Variants in MAP3K11 observed in about 807,000 individuals in gnomAD.
MAP3K11 encodes the protein mitogen-activated protein kinase kinase kinase 11, also known as SH3 domain-containing proline-rich kinase.
Under a neutral mutation model 84.9 loss-of-function variants are expected in MAP3K11, and 46 were observed. That is an observed-to-expected ratio of 0.54 (90% CI 0.43 to 0.69). MAP3K11 has a LOEUF of 0.69. Among genes scored for constraint, MAP3K11 ranks in the 30% least tolerant of loss-of-function variants. The pLI is 0.00. For synonymous variants in MAP3K11, 527 were observed against 514.7 expected (o/e 1.02, Z -0.32); for missense variants, 1,053 against 1,198.3 (o/e 0.88, Z 1.79).
At chr11:65,605,679 G>T (rs1157222552) in intron 8 of MAP3K11, 82 bp downstream of exon 8, 8 of 971,898 alleles carry the variant, frequency 8.2e-6, no homozygotes, top group Non-Finnish European at 1.2e-5. Context: ...CTCCTGCTTT[G>T]CCTACTAGCC....
At chr11:65,611,199 AG>A (rs1565145732) in intron 1 of MAP3K11, 2 of 152,402 alleles carry the variant, frequency 1.3e-5, no homozygotes, top group African/African-American at 4.8e-5. Flanking sequence ...GGCCTGGGCC[AG>A]GTCTCCCACT....
chr11:65,603,952 T>G (rs1477034292), intron 8 of MAP3K11, among the ~76,000 whole-genome samples: 1 of 152,252 alleles, frequency 6.6e-6, no homozygotes, highest in African/African-American at 2.4e-5. Context: ...TCTCTCAGTT[T>G]GCAGGGGCTG....
rs975524975 is a variant in MAP3K11 at position 65,613,951 on chromosome 11, C to T, written c.-195G>A. On this transcript the variant is annotated 5_prime_UTR_variant, in exon 1 of 10. Transcript: ENST00000309100. ...CGCATCTCGGGCTTCTGGAGGAGGG[C>T]ACCCAGGGCAGTGTGGTCAGGCCGG... The T allele has an allele frequency of 4.3e-6, 3 of 697,670 alleles. No individual in the cohort carries two copies. Among genetic ancestry groups the T allele is most frequent in the Admixed American group, 3.3e-5 (1 of 30,604 alleles). The allele number at this position is 697,670 out of a possible 1,614,324, so 43.2% of individuals were successfully genotyped here.
At position 65,613,503 on chromosome 11, in the gene MAP3K11, G is replaced by A. The variant is rs750897139; in HGVS notation, c.254C>T (p.Ala85Val). ...GCCCACCTGGCCACCCACCTGGCCC[G>A]CCCACCAGCCCTCGTCTCCTGAGAT... ...AAISGDEGWW[A>V]GQVGGQVGIF... is the part of the protein sequence containing the mutation. Residue 85 changes from alanine (A) to valine (V), a missense_variant, in exon 1 of 10, where the codon GCG becomes GTG. Physicochemically the swap from Ala to Val is moderately conservative, Grantham distance 64. Transcript: ENST00000309100. 15 of 1,610,014 alleles carry A rather than the reference G, an allele frequency of 9.3e-6. No individual in the cohort carries two copies. Among genetic ancestry groups the A allele is most frequent in the African/African-American group, 1.3e-5 (1 of 74,776 alleles).
chr11:65,603,108 A>T (rs1378339346), intron 8 of MAP3K11, among the ~76,000 whole-genome samples: 1 of 152,226 alleles, frequency 6.6e-6, no homozygotes, highest in Non-Finnish European at 1.5e-5. Context: ...ATCTTTAAAA[A>T]AATAAAAGAC....
Position 65,598,330 on chromosome 11 carries a change from C to T in MAP3K11, c.2505G>A (p.Met835Ile). 1 of 1,488,884 alleles carries T rather than the reference C, an allele frequency of 6.7e-7. No homozygotes were observed. The highest frequency in any genetic ancestry group is 2.4e-5 in the East Asian group (1 of 41,366). 92.2% of individuals were successfully genotyped at this position (1,488,884 alleles called of 1,614,324 possible). A position where few individuals can be genotyped will look rare whatever the true frequency, so the allele number is the denominator to read the frequency against. ...PQDCRAQTKD[M>I]GAQAPWVPEA... is the part of the protein sequence containing the mutation. ...CCGGCACCCACGGGGCCTGGGCACC[C>T]ATGTCTTTGGTCTGTGCCCTGCAGT... Residue 835 changes from methionine (M) to isoleucine (I), a missense_variant, in exon 10 of 10, where the codon ATG becomes ATA. Physicochemically the swap from Met to Ile is conservative, Grantham distance 10. Transcript: ENST00000309100.
In MAP3K11 at chr11:65,607,688, T is replaced by A; in HGVS notation, c.1198A>T (p.Lys400Ter). The A allele has an allele frequency of 6.2e-7, 1 of 1,613,340 alleles. No individual in the cohort carries two copies. The highest frequency in any genetic ancestry group is 1.7e-5 in the Admixed American group (1 of 59,992). The stretch of plus-strand genomic sequence containing the variant: ...TCGAAGAGACCCTGGATCTCGCGCT[T>A]CCAGCCTTCCTGCATGGAATGGAAG... The part of the protein sequence containing the change: ...DSFHSMQEGW[K>*]REIQGLFDEL... The change falls in exon 4 of 10, where the codon AAG becomes TAG. Residue 400 changes from lysine (K) to a stop codon, truncating the protein, a stop_gained. Coordinates refer to ENST00000309100, the MANE Select transcript of MAP3K11 (RefSeq NM_002419.4). LOFTEE classifies it high-confidence loss of function.
chr11:65,612,277 T>C (rs1433735777), intron 1 of MAP3K11: 1 of 152,272 alleles, frequency 6.6e-6, no homozygotes, highest in African/African-American at 2.4e-5. Context: ...GGGCAGCGTG[T>C]CGGGGGCTTG....
chr11:65,606,132 A>C, intron 6 of MAP3K11, 51 bp from the exon 7 acceptor site: 1 of 1,524,556 alleles, frequency 6.6e-7, no homozygotes, highest in Non-Finnish European at 8.8e-7. Context: ...TCCCTCCATC[A>C]TCACAGTCAG....
chr11:65,603,770 C>T (rs1163699594), intron 8 of MAP3K11, among the ~76,000 whole-genome samples: 2 of 152,276 alleles, frequency 1.3e-5, no homozygotes, highest in Non-Finnish European at 2.9e-5. Context: ...AGTGGCAATC[C>T]ATTTCTTCAT....
chr11:65,598,466 G>C lies in MAP3K11; in HGVS notation c.2369C>G (p.Pro790Arg), dbSNP rs925717245. 3 of 1,613,330 alleles carry C rather than the reference G, an allele frequency of 1.9e-6. No individual in the cohort carries two copies. In the African/African-American group the frequency reaches 4.0e-5, roughly 21 times the overall value. Residue 790 changes from proline to arginine, a missense_variant, in exon 10 of 10, where the codon CCC (proline) becomes CGC (arginine). This residue lies in a region of MAP3K11 where 583 missense variants were observed against 566.6 expected (regional missense o/e 1.03). Transcript: ENST00000309100. ...GGGTGCAGGCTGTGGTGATGGCAGGGGAGAAGGCCGTGGCCCAGCTGACAC... is the reference window on the plus strand; with the variant it reads ...GGGTGCAGGCTGTGGTGATGGCAGGCGAGAAGGCCGTGGCCCAGCTGACAC... ...SFVSAGPRPS[P>R]LPSPQPAPRR...
At chr11:65,604,959 C>T (rs771573042) in intron 8 of MAP3K11, among the ~76,000 whole-genome samples, 42 of 152,132 alleles carry the variant, frequency 2.8e-4, no homozygotes, top group Admixed American at 1.3e-4. Flanking sequence ...GGAGCCCTGC[C>T]TTCTGCCTGA....
In MAP3K11 at chr11:65,613,393, C is replaced by T. The variant is rs764800427; in HGVS notation, c.364G>A (p.Val122Met). Residue 122 changes from valine (V) to methionine (M), a missense_variant, in exon 1 of 10, where the codon GTG becomes ATG. Val to Met is a conservative substitution (Grantham distance 21). This residue lies in a region of MAP3K11 where 160 missense variants were observed against 167.3 expected (regional missense o/e 0.96). Coordinates refer to ENST00000309100, the MANE Select transcript of MAP3K11 (RefSeq NM_002419.4). ...TTGCCAAAGCCTCCAATGCCGATCA[C>T]CTCCTCCAGCCGCAGCTCCTGGAAG... The part of the protein sequence containing the change: ...ASFQELRLEE[V>M]IGIGGFGKVY... 1.8e-5 allele frequency: 29 copies of T among 1,612,652 alleles called. No homozygotes were observed. The highest frequency in any genetic ancestry group is 2.2e-5 in the Non-Finnish European group (26 of 1,179,802).
chr11:65,604,000 A>G (rs1854481612), intron 8 of MAP3K11, among the ~76,000 whole-genome samples: 2 of 152,258 alleles, frequency 1.3e-5, no homozygotes. Context: ...CTATGGGCAC[A>G]GATGTCTACA....
At chr11:65,609,539 A>G (rs1406001796) in intron 1 of MAP3K11, 1 of 152,288 alleles carries the variant, frequency 6.6e-6, no homozygotes, top group Non-Finnish European at 1.5e-5. Flanking sequence ...TCACCAGGAC[A>G]GGAATGGCTC....
At chr11:65,600,170 T>C (rs1336807619) in intron 8 of MAP3K11, among the ~76,000 whole-genome samples, 1 of 152,222 alleles carries the variant, frequency 6.6e-6, no homozygotes, top group African/African-American at 2.4e-5. Flanking sequence ...CCCACCAGCT[T>C]CCTGGCTTGG....
At chr11:65,602,387 T>C (rs1322171013) in intron 8 of MAP3K11, among the ~76,000 whole-genome samples, 1 of 152,176 alleles carries the variant, frequency 6.6e-6, no homozygotes, top group African/African-American at 2.4e-5. Flanking sequence ...GGTTCACGCT[T>C]GTAATCCCAG....
At position 65,598,109 on chromosome 11, in the gene MAP3K11, G is replaced by A. The variant is rs1427895416; in HGVS notation, c.*182C>T. ...GGGGGACCTACAGGTTTCAGATGTGGGGGCGCAGGTCCCCCTTCCAGTGTG... is the reference window on the plus strand; with the variant it reads ...GGGGGACCTACAGGTTTCAGATGTGAGGGCGCAGGTCCCCCTTCCAGTGTG... On this transcript the variant is annotated 3_prime_UTR_variant, in exon 10 of 10. Coordinates refer to ENST00000309100, the MANE Select transcript of MAP3K11 (RefSeq NM_002419.4). 2.3e-6 allele frequency: 1 copy of A among 434,120 alleles called. No homozygotes were observed. Among genetic ancestry groups the A allele is most frequent in the Non-Finnish European group, 4.0e-6 (1 of 252,156 alleles). 26.9% of individuals were successfully genotyped at this position (434,120 alleles called of 1,614,324 possible).
intron 5 of MAP3K11, 136 bp downstream of exon 5, chr11:65,607,134 C>T (rs1590856769): frequency 3.3e-6 from 4 of 1,211,366 alleles, no homozygotes; most frequent in East Asian, 6.3e-5. Context: ...ACTCCTGGCT[C>T]CACCCCTCCC....
Sources: allele counts gnomAD v4.1 joint callset (sites outside exome capture counted in the v4.1 genomes callset), GRCh38; gene constraint gnomAD v4.1.1; regional missense constraint gnomAD v4.1.1; transcripts MANE v1.5; gene names NCBI Gene and HGNC (gene_info 2026-07-23, HGNC 2026-07-21).